CRYBG3: variants seen among roughly 807,000 people sequenced by gnomAD.
The protein encoded by CRYBG3 is crystallin beta-gamma domain containing 3.
CRYBG3 carries 127 observed loss-of-function variants against 244.2 expected under a neutral mutation model. The ratio of observed to expected loss-of-function variants is 0.52; its 90% CI spans 0.45 to 0.60. The LOEUF (loss-of-function observed/expected upper bound fraction) is 0.60. Ranked by LOEUF, CRYBG3 falls within the 20% of genes least tolerant of loss-of-function variation. The pLI is 0.00. For synonymous variants in CRYBG3, 1,132 were observed against 1,195.8 expected (o/e 0.95, Z 1.10); for missense variants, 3,325 against 3,442.5 (o/e 0.97, Z 0.85).
intron 1 of CRYBG3, 120 bp downstream of exon 1, chr3:97,822,475 C>T (rs765682709): frequency 2.2e-5 from 21 of 951,238 alleles, no homozygotes; most frequent in Admixed American, 2.1e-4. Flanking sequence ...TCGCCACTTT[C>T]TGTTCTCCTT....
chr3:97,879,508 C>T (rs1404681961), intron 4 of CRYBG3, among the ~76,000 whole-genome samples, 196 bp from the exon 5 acceptor site: 1 of 152,154 alleles, frequency 6.6e-6, no homozygotes, highest in East Asian at 1.9e-4. Context: ...AAGCTATGTA[C>T]TTCTTGAGGG....
chr3:97,877,926 C>A lies in CRYBG3; in HGVS notation c.6732C>A (p.Ser2244=). 1 of 1,613,986 alleles carries A rather than the reference C, an allele frequency of 6.2e-7. No individual in the cohort carries two copies. Among genetic ancestry groups the A allele is most frequent in the Non-Finnish European group, 8.5e-7 (1 of 1,179,956 alleles). The part of the protein sequence containing the change: ...KSAYHQYLQT[S]QSHSSEKGAR... ...CTTATCATCAGTATCTGCAGACTTC[C>A]CAAAGTCATTCCTCAGAAAAAGGAG... is the stretch of plus-strand genomic sequence containing the variant. Residue 2244 remains serine (S), a synonymous_variant, in exon 4 of 22, where the codon TCC becomes TCA. Coordinates refer to ENST00000389622, the MANE Select transcript of CRYBG3 (RefSeq NM_153605.4).
intron 2 of CRYBG3, among the ~76,000 whole-genome samples, chr3:97,850,182 T>C (rs1245539888): frequency 6.6e-6 from 1 of 152,170 alleles, no homozygotes; most frequent in African/African-American, 2.4e-5. Flanking sequence ...TAGTGTTTTA[T>C]CTCCCTTCCC....
intron 1 of CRYBG3, among the ~76,000 whole-genome samples, chr3:97,841,278 A>C (rs559781882): frequency 6.7e-6 from 1 of 149,440 alleles, no homozygotes; most frequent in Non-Finnish European, 1.5e-5. Flanking sequence ...ATATATGTAC[A>C]TATAGGTGCG....
chr3:97,892,799 G>A (rs1337903769), intron 10 of CRYBG3, 61 bp from the exon 11 acceptor site: 2 of 817,940 alleles, frequency 2.4e-6, no homozygotes, highest in African/African-American at 1.8e-5. Flanking sequence ...TGTGGTCTTT[G>A]GTGTCACTTA....
intron 1 of CRYBG3, among the ~76,000 whole-genome samples, chr3:97,832,722 A>G (rs2038671562): frequency 6.6e-6 from 1 of 152,230 alleles, no homozygotes; most frequent in Admixed American, 6.5e-5. Flanking sequence ...GACAAATGGG[A>G]TCTAATTAAA....
chr3:97,877,580 C>A lies in CRYBG3; in HGVS notation c.6386C>A (p.Ser2129Ter). The change falls in exon 4 of 22, where the codon TCA becomes TAA. Residue 2129 changes from serine to a stop codon, truncating the protein, a stop_gained. Transcript: ENST00000389622. LOFTEE classifies it high-confidence loss of function. ...TCTTCTGTTTTATCCCTTCTCCAGT[C>A]AGTGTCAGAACGTTTAAAGATGAAT... is the stretch of plus-strand genomic sequence containing the variant. Reference protein sequence around the residue: ...QSSSVLSLLQSVSERLKMNFD... With the variant: ...QSSSVLSLLQ 1 of 1,614,022 alleles carries A rather than the reference C, an allele frequency of 6.2e-7. No homozygotes were observed. The highest frequency in any genetic ancestry group is 1.1e-5 in the South Asian group (1 of 91,044).
At chr3:97,915,964 T>C (rs535350759) in intron 17 of CRYBG3, among the ~76,000 whole-genome samples, 35 of 152,132 alleles carry the variant, frequency 2.3e-4, no homozygotes, top group Non-Finnish European at 4.0e-4. Flanking sequence ...ACTCAAGAAC[T>C]AGAATAATGT....
In CRYBG3 at chr3:97,874,667, C is replaced by T. The variant is rs1399775934; in HGVS notation, c.3473C>T (p.Ala1158Val). 3 of 1,535,838 alleles carry T rather than the reference C, an allele frequency of 2.0e-6. No individual in the cohort carries two copies. The highest frequency in any genetic ancestry group is 2.7e-5 in the African/African-American group (2 of 73,038). ...GTGGAAGCAGAGACTGGAGCAGTTGCTGGGCCTGCAGCGTCAGTTAACAGC... is the reference window on the plus strand; with the variant it reads ...GTGGAAGCAGAGACTGGAGCAGTTGTTGGGCCTGCAGCGTCAGTTAACAGC... ...NLVEAETGAV[A>V]GPAASVNSSG... The change falls in exon 4 of 22, where the codon GCT becomes GTT. Residue 1158 changes from alanine to valine, a missense_variant. Coordinates refer to ENST00000389622, the MANE Select transcript of CRYBG3 (RefSeq NM_153605.4).
intron 1 of CRYBG3, among the ~76,000 whole-genome samples, chr3:97,832,751 G>A (rs2038671937): frequency 6.6e-6 from 1 of 152,122 alleles, no homozygotes; most frequent in South Asian, 2.1e-4. Context: ...CTTCTGCACA[G>A]CAAAAGAAAC....
At chr3:97,855,717 T>C (rs754266835) in intron 2 of CRYBG3, among the ~76,000 whole-genome samples, 1 of 152,072 alleles carries the variant, frequency 6.6e-6, no homozygotes, top group Non-Finnish European at 1.5e-5. Flanking sequence ...AGACATCACA[T>C]GTCGGTAGGT....
At chr3:97,903,523 A>G (rs1221716546) in intron 15 of CRYBG3, among the ~76,000 whole-genome samples, 1 of 152,184 alleles carries the variant, frequency 6.6e-6, no homozygotes, top group Non-Finnish European at 1.5e-5. Flanking sequence ...TTCCTTAATA[A>G]TCAACATATT....
intron 3 of CRYBG3, among the ~76,000 whole-genome samples, chr3:97,865,312 T>C (rs1297979550): frequency 6.6e-6 from 1 of 152,220 alleles, no homozygotes; most frequent in East Asian, 1.9e-4. Flanking sequence ...TTCTGTTTTA[T>C]TGATTTTACT....
chr3:97,852,230 G>A (rs747260885), intron 2 of CRYBG3, among the ~76,000 whole-genome samples: 4 of 152,158 alleles, frequency 2.6e-5, no homozygotes, highest in African/African-American at 4.8e-5. Flanking sequence ...ATGAGGGATG[G>A]CTACAAGAAG....
At position 97,825,996 on chromosome 3, in the gene CRYBG3, AGTT is replaced by A. The variant is rs542308773; in HGVS notation, c.149+3643_149+3645del. ...CACTAAAAATAATTGGTAACTAGTT[AGTT>A]GGATAGGAGATACCTGTGTCACATC... On this transcript the variant is annotated intron_variant, in intron 1 of 21. Coordinates refer to ENST00000389622, the MANE Select transcript of CRYBG3 (RefSeq NM_153605.4). Among the ~76,000 whole-genome samples, 561 of 152,354 alleles carry A rather than the reference AGTT, an allele frequency of 3.7e-3. 4 individuals are homozygous for A. Among genetic ancestry groups the A allele is most frequent in the Non-Finnish European group, 6.0e-3 (410 of 68,028 alleles).
rs552679527 is a variant in CRYBG3, at chr3:97,920,065, G to A, written c.8241+4329G>A. On this transcript the variant is annotated intron_variant, in intron 17 of 21. Transcript: ENST00000389622. ...GATTACAGGTACAAACCACTGCACCGTCCAGCTGAATTCTTTATATAAATA... is the reference window on the plus strand; with the variant it reads ...GATTACAGGTACAAACCACTGCACCATCCAGCTGAATTCTTTATATAAATA... 3.9e-5 allele frequency among the ~76,000 whole-genome samples: 6 copies of A among 152,064 alleles called. No individual in the cohort carries two copies. The East Asian group carries it at 5.8e-4, about 15-fold the overall frequency.
At chr3:97,931,436 A>G (rs1473877875) in intron 17 of CRYBG3, among the ~76,000 whole-genome samples, 1 of 152,046 alleles carries the variant, frequency 6.6e-6, no homozygotes, top group Non-Finnish European at 1.5e-5. Context: ...ATGTTTCATC[A>G]TCGCCCACCT....
chr3:97,886,614 T>G lies in CRYBG3; in HGVS notation c.7153-17T>G, dbSNP rs188199462. ...GACTCTAGTTGATTTCAAAGCCAAA[T>G]TATTTTTTTTTTTCAGGACTGCAGC... On this transcript the variant is annotated splice_polypyrimidine_tract_variant and intron_variant, in intron 7 of 21. Transcript: ENST00000389622. 808 of 1,590,720 alleles carry G rather than the reference T, an allele frequency of 5.1e-4. No individual in the cohort carries two copies. Among genetic ancestry groups the G allele is most frequent in the Admixed American group, 7.3e-4 (40 of 54,574 alleles).
chr3:97,926,204 C>T (rs1273228486), intron 17 of CRYBG3, among the ~76,000 whole-genome samples: 1 of 151,958 alleles, frequency 6.6e-6, no homozygotes, highest in African/African-American at 2.4e-5. Flanking sequence ...AGCAGGACAT[C>T]AAAAAGTTAA....
Sources: allele counts gnomAD v4.1 joint callset (sites outside exome capture counted in the v4.1 genomes callset), GRCh38; gene constraint gnomAD v4.1.1; transcripts MANE v1.5; gene names NCBI Gene and HGNC (gene_info 2026-07-23, HGNC 2026-07-21).